Variants in SCHIP1 observed in about 807,000 individuals in gnomAD.
SCHIP1 encodes the protein schwannomin interacting protein 1, also known as schwannomin-interacting protein 1.
SCHIP1 carries 8 observed loss-of-function variants against 29.7 expected under a neutral mutation model. The ratio of observed to expected loss-of-function variants is 0.27; its 90% CI spans 0.16 to 0.49. SCHIP1 has a LOEUF of 0.49. Among genes scored for constraint, SCHIP1 ranks in the 20% least tolerant of loss-of-function variants. The pLI is 0.99. For missense variants in SCHIP1, 193 were observed against 294.6 expected, an observed-to-expected ratio of 0.66 and a Z score of 2.52; for synonymous variants, 76 against 94.9, an observed-to-expected ratio of 0.80 and a Z score of 1.16.
At chr3:159,896,901 T>C (rs1267762744) in exon 7 of SCHIP1, 3 of 956,116 alleles carry the variant, frequency 3.1e-6, no homozygotes, top group Non-Finnish European at 4.4e-6. Context: ...TGAAGCTTAA[T>C]GTCCAGTGAT....
chr3:159,441,709 T>C, the SCHIP1 span, among the ~76,000 whole-genome samples: 7 of 152,018 alleles, frequency 4.6e-5, no homozygotes, highest in Non-Finnish European at 1.0e-4. Context: ...AGGTGCTACG[T>C]AGAACATTCA....
At chr3:159,757,967 C>A in the SCHIP1 span, among the ~76,000 whole-genome samples, 10 of 152,136 alleles carry the variant, frequency 6.6e-5, no homozygotes, top group Non-Finnish European at 1.0e-4. Flanking sequence ...AGAAGGCATG[C>A]GGTTTTGGAG....
chr3:159,525,341 T>G, the SCHIP1 span, among the ~76,000 whole-genome samples: 1 of 152,374 alleles, frequency 6.6e-6, no homozygotes, highest in East Asian at 1.9e-4. Context: ...GTACCTTTAG[T>G]GCCTAAAACA....
chr3:159,618,524 C>T, the SCHIP1 span, among the ~76,000 whole-genome samples: 107 of 152,310 alleles, frequency 7.0e-4, no homozygotes, highest in Admixed American at 3.6e-3. Context: ...TGAAAATCTA[C>T]GGAAGAAAAT....
chr3:159,880,739 T>G (rs1033413807), intron 2 of SCHIP1, among the ~76,000 whole-genome samples: 1 of 152,244 alleles, frequency 6.6e-6, no homozygotes, highest in Non-Finnish European at 1.5e-5. Context: ...CATCAATGAA[T>G]GAATGAATGA....
the SCHIP1 span, among the ~76,000 whole-genome samples, chr3:159,716,796 T>G: frequency 1.1e-3 from 174 of 152,268 alleles, no homozygotes; most frequent in African/African-American, 4.1e-3. Context: ...AACGGGAGAC[T>G]TTAACACCCC....
intron 5 of SCHIP1, among the ~76,000 whole-genome samples, chr3:159,891,839 C>T (rs1375197692): frequency 6.6e-6 from 1 of 152,192 alleles, no homozygotes; most frequent in Non-Finnish European, 1.5e-5. Context: ...ACAAGCTGTT[C>T]TCCTAACAGC....
the SCHIP1 span, among the ~76,000 whole-genome samples, chr3:159,463,234 A>AT: frequency 1.9e-4 from 29 of 152,166 alleles, no homozygotes; most frequent in East Asian, 5.0e-3. Context: ...AGGTTTTGTA[A>AT]TTTTTTTGTA....
the SCHIP1 span, among the ~76,000 whole-genome samples, chr3:159,667,438 C>T: frequency 1.4e-4 from 21 of 152,280 alleles, no homozygotes; most frequent in African/African-American, 2.9e-4. Context: ...GGAACCTGTA[C>T]GTGTTGTGGG....
chr3:159,890,220 A>G (rs764070650), intron 5 of SCHIP1, among the ~76,000 whole-genome samples: 36 of 152,248 alleles, frequency 2.4e-4, no homozygotes, highest in Non-Finnish European at 5.0e-4. Flanking sequence ...GAAGTCGGAG[A>G]GAGAAATGAT....
chr3:159,470,066 T>TA, the SCHIP1 span, among the ~76,000 whole-genome samples: 22 of 152,190 alleles, frequency 1.4e-4, no homozygotes, highest in African/African-American at 5.3e-4. Context: ...TCAATAGATG[T>TA]AAAAAATGAT....
At chr3:159,284,233 T>C in the SCHIP1 span, among the ~76,000 whole-genome samples, 67 of 152,296 alleles carry the variant, frequency 4.4e-4, no homozygotes, top group Admixed American at 3.9e-3. Flanking sequence ...TTATTAGATA[T>C]TCAGGTTTTC....
the SCHIP1 span, among the ~76,000 whole-genome samples, chr3:159,782,024 A>G: frequency 3.3e-5 from 5 of 152,378 alleles, no homozygotes; most frequent in African/African-American, 1.2e-4. Flanking sequence ...TGTGATGGGC[A>G]TGACTTGGGA....
the SCHIP1 span, among the ~76,000 whole-genome samples, chr3:159,691,823 T>C: frequency 2.0e-5 from 3 of 152,116 alleles, no homozygotes; most frequent in African/African-American, 7.2e-5. Context: ...AGCATTTGCT[T>C]GTCTGGAAAT....
the SCHIP1 span, among the ~76,000 whole-genome samples, chr3:159,493,513 A>G: frequency 5.3e-5 from 8 of 152,130 alleles, no homozygotes; most frequent in Non-Finnish European, 1.0e-4. Flanking sequence ...GAAGGCCATT[A>G]CATAATGGTA....
chr3:159,654,020 G>A, the SCHIP1 span, among the ~76,000 whole-genome samples: 3 of 151,932 alleles, frequency 2.0e-5, no homozygotes, highest in South Asian at 2.1e-4. Flanking sequence ...TACATTCTGG[G>A]GTAAATTGCC....
chr3:159,637,663 C>A, the SCHIP1 span, among the ~76,000 whole-genome samples: 1 of 152,094 alleles, frequency 6.6e-6, no homozygotes, highest in African/African-American at 2.4e-5. Context: ...CACAGAGGCC[C>A]AAAATCTCCT....
the SCHIP1 span, among the ~76,000 whole-genome samples, chr3:159,582,779 T>TACACACAC: frequency 4.6e-4 from 45 of 98,432 alleles, no homozygotes; most frequent in African/African-American, 1.4e-3. Context: ...GCAACTGAAA[T>TACACACAC]ATATATATAC....
the SCHIP1 span, among the ~76,000 whole-genome samples, chr3:159,583,204 T>C: frequency 6.6e-6 from 1 of 152,112 alleles, no homozygotes. Flanking sequence ...TTTCACGGAT[T>C]TTCTAGGGTA....
Sources: gnomAD v4.1 joint callset for allele counts (sites outside exome capture counted in the v4.1 genomes callset) on GRCh38, gnomAD v4.1.1 for gene constraint, MANE v1.5 for transcripts, NCBI Gene and HGNC (gene_info 2026-07-23, HGNC 2026-07-21) for gene names.